The following OTOGL variants were observed in gnomAD, a reference collection of about 807,000 sequenced individuals.
OTOGL encodes otogelin like.
A neutral mutation model predicts 318.5 loss-of-function variants in OTOGL; 285 were observed. The ratio of observed to expected loss-of-function variants is 0.89; its 90% CI spans 0.81 to 0.99. OTOGL has a LOEUF of 0.99. Ranked by LOEUF, OTOGL falls within the 50% of genes least tolerant of loss-of-function variation. The pLI is 0.00. For missense variants in OTOGL, 2,899 were observed against 2,845.6 expected (o/e 1.02, Z -0.43); for synonymous variants, 987 against 936.5 (o/e 1.05, Z -0.99).
chr12:80,190,332 C>G (rs1397119978), intron 1 of OTOGL, among the ~76,000 whole-genome samples: 2 of 152,092 alleles, frequency 1.3e-5, no homozygotes, highest in Non-Finnish European at 2.9e-5. Flanking sequence ...AAAATAAATT[C>G]AAAGAAGCAC....
intron 36 of OTOGL, 61 bp from the exon 37 acceptor site, chr12:80,328,990 A>C (rs1042041677): frequency 2.4e-5 from 35 of 1,429,796 alleles, no homozygotes; most frequent in East Asian, 7.2e-5. Context: ...CCTCTATGAA[A>C]TATGTGGGTC....
At chr12:80,368,154 T>C in intron 54 of OTOGL, 51 bp from the exon 55 acceptor site, 1 of 1,304,442 alleles carries the variant, frequency 7.7e-7, no homozygotes, top group Non-Finnish European at 1.1e-6. Context: ...CCAGAAGTAA[T>C]TCATTAAAAA....
chr12:80,173,075 G>A (rs145420761), intron 1 of OTOGL, among the ~76,000 whole-genome samples: 5,507 of 152,066 alleles, frequency 0.036, 129 homozygotes, highest in Non-Finnish European at 0.053. Context: ...TTCGGAACAT[G>A]TACCCCTGAA....
intron 1 of OTOGL, among the ~76,000 whole-genome samples, chr12:80,104,278 T>TC (rs1869319617): frequency 6.6e-6 from 1 of 152,186 alleles, no homozygotes; most frequent in Non-Finnish European, 1.5e-5. Context: ...ATCTCACATC[T>TC]CTCCCATATC....
At chr12:80,260,229 C>A (rs1319645657) in intron 18 of OTOGL, among the ~76,000 whole-genome samples, 2 of 152,096 alleles carry the variant, frequency 1.3e-5, no homozygotes, top group African/African-American at 4.8e-5. Context: ...ATCTTGTCTC[C>A]TTGTCTTCCT....
At chr12:80,103,201 G>A (rs953941348) in intron 1 of OTOGL, 1 of 1,406,422 alleles carries the variant, frequency 7.1e-7, no homozygotes. Context: ...GGCATGGATC[G>A]CTCGTTGTAC....
At chr12:80,301,234 T>C (rs1303015241) in intron 27 of OTOGL, among the ~76,000 whole-genome samples, 1 of 152,202 alleles carries the variant, frequency 6.6e-6, no homozygotes, top group Non-Finnish European at 1.5e-5. Context: ...TTTGAAGTTA[T>C]TATATGAGTT....
chr12:80,140,618 T>G (rs553193512), intron 1 of OTOGL, among the ~76,000 whole-genome samples: 1 of 152,328 alleles, frequency 6.6e-6, no homozygotes, highest in Admixed American at 6.5e-5. Flanking sequence ...AGTTACTTCA[T>G]CTCTCTGTGC....
chr12:80,296,735 C>T (rs1885425667), intron 26 of OTOGL, 92 bp from the exon 27 acceptor site: 11 of 983,082 alleles, frequency 1.1e-5, no homozygotes, highest in Admixed American at 3.5e-5. Context: ...TAATGCAATC[C>T]ATTGTCAATA....
chr12:80,154,834 G>A (rs1873014854), intron 1 of OTOGL, among the ~76,000 whole-genome samples: 1 of 152,184 alleles, frequency 6.6e-6, no homozygotes, highest in Non-Finnish European at 1.5e-5. Context: ...GTAAGAATAT[G>A]TTTTGTTTGT....
chr12:80,284,796 T>A (rs1005942653), intron 26 of OTOGL, among the ~76,000 whole-genome samples: 1 of 152,200 alleles, frequency 6.6e-6, no homozygotes, highest in African/African-American at 2.4e-5. Context: ...GTCAGATGGA[T>A]AGATTGCAAA....
At chr12:80,134,455 TTA>T (rs2137126457) in intron 1 of OTOGL, among the ~76,000 whole-genome samples, 1 of 152,338 alleles carries the variant, frequency 6.6e-6, no homozygotes, top group South Asian at 2.1e-4. Flanking sequence ...GTAGGCTATT[TTA>T]TTCTAAACTT....
intron 57 of OTOGL, among the ~76,000 whole-genome samples, chr12:80,376,576 C>T (rs1891186868): frequency 6.6e-6 from 1 of 152,008 alleles, no homozygotes; most frequent in South Asian, 2.1e-4. Context: ...CATTTCAGAG[C>T]CATAAAATCA....
At chr12:80,336,365 A>C (rs1365764420) in intron 39 of OTOGL, 48 bp from the exon 40 acceptor site, 1 of 1,505,180 alleles carries the variant, frequency 6.6e-7, no homozygotes, top group African/African-American at 1.4e-5. Context: ...TTATTACTGA[A>C]AATGCAGATA....
intron 14 of OTOGL, 143 bp downstream of exon 14, chr12:80,253,717 TG>T: frequency 1.6e-6 from 1 of 629,330 alleles, no homozygotes; most frequent in Non-Finnish European, 2.7e-6. Flanking sequence ...TTAAACTCCT[TG>T]GGGGAAGGGA....
chr12:80,361,071 T>C (rs1890212639), intron 52 of OTOGL: 1 of 152,080 alleles, frequency 6.6e-6, no homozygotes, highest in African/African-American at 2.4e-5. Flanking sequence ...ATAATAGATC[T>C]CTTGAACTTA....
At chr12:80,122,964 C>T (rs1870577462) in intron 1 of OTOGL, among the ~76,000 whole-genome samples, 1 of 151,534 alleles carries the variant, frequency 6.6e-6, no homozygotes, top group Non-Finnish European at 1.5e-5. Flanking sequence ...CTGAACCAGG[C>T]TCCAGGTAAG....
At chr12:80,368,031 T>C (rs1890658185) in intron 54 of OTOGL, among the ~76,000 whole-genome samples, 174 bp from the exon 55 acceptor site, 1 of 152,114 alleles carries the variant, frequency 6.6e-6, no homozygotes, top group South Asian at 2.1e-4. Flanking sequence ...CTATCTCACT[T>C]CTAATATAAC....
Position 80,222,145 on chromosome 12 carries a change from A to G in OTOGL, c.389A>G (p.His130Arg). 1 of 1,598,304 alleles carries G rather than the reference A, an allele frequency of 6.3e-7. No individual in the cohort carries two copies. The highest frequency in any genetic ancestry group is 8.5e-7 in the Non-Finnish European group (1 of 1,178,754). The change falls in exon 7 of 59, where the codon CAT (histidine) becomes CGT (arginine). Residue 130 changes from histidine to arginine, a missense_variant. Coordinates refer to ENST00000547103, the MANE Select transcript of OTOGL (RefSeq NM_001378609.3). ...DGICKTWGQYHFETFDGIYYY... is the reference protein window; with the variant it reads ...DGICKTWGQYRFETFDGIYYY... ...ATTTGTAAAACCTGGGGACAGTATCATTTTGAAACATTCGATGGCATCTAC... is the reference window on the plus strand; with the variant it reads ...ATTTGTAAAACCTGGGGACAGTATCGTTTTGAAACATTCGATGGCATCTAC...
Sources: gnomAD v4.1 joint callset for allele counts (sites outside exome capture counted in the v4.1 genomes callset) on GRCh38, gnomAD v4.1.1 for gene constraint, MANE v1.5 for transcripts, NCBI Gene and HGNC (gene_info 2026-07-23, HGNC 2026-07-21) for gene names.